The following SCAPER variants were observed in gnomAD, a reference collection of about 807,000 sequenced individuals.
SCAPER encodes S phase cyclin A-associated protein in the endoplasmic reticulum.
Under a neutral mutation model 182.2 loss-of-function variants are expected in SCAPER, and 98 were observed. The observed-to-expected ratio is 0.54, with a 90% CI of 0.46 to 0.64. The LOEUF is 0.64. SCAPER is among the 30% of genes least tolerant of loss of function. The pLI, the probability that SCAPER is intolerant of heterozygous loss-of-function variation, is 0.00. For missense variants in SCAPER, 1,432 were observed against 1,690.0 expected, an observed-to-expected ratio of 0.85 and a Z score of 2.68; for synonymous variants, 605 against 564.6, an observed-to-expected ratio of 1.07 and a Z score of -1.01.
At chr15:76,778,638 A>AGTGTGTGT (rs1325120661) in intron 8 of SCAPER, among the ~76,000 whole-genome samples, 1 of 145,458 alleles carries the variant, frequency 6.9e-6, no homozygotes, top group African/African-American at 2.7e-5. Flanking sequence ...CATAAGTGTG[A>AGTGTGTGT]GTGTATGTGT....
chr15:76,568,119 C>T (rs892793683), intron 23 of SCAPER, among the ~76,000 whole-genome samples: 9 of 151,088 alleles, frequency 6.0e-5, no homozygotes, highest in African/African-American at 2.2e-4. Context: ...AGCACACTTT[C>T]CCACAACGTT....
At chr15:76,591,872 C>T (rs1408283127) in intron 22 of SCAPER, among the ~76,000 whole-genome samples, 3 of 152,110 alleles carry the variant, frequency 2.0e-5, no homozygotes, top group Admixed American at 6.6e-5. Context: ...CCAGCCTGGG[C>T]AACATGGCAA....
intron 20 of SCAPER, among the ~76,000 whole-genome samples, chr15:76,697,535 C>A (rs776995041): frequency 6.6e-6 from 1 of 152,002 alleles, no homozygotes; most frequent in Admixed American, 6.5e-5. Context: ...TAAAAACATG[C>A]GAAATTTATA....
At position 76,603,062 on chromosome 15, in the gene SCAPER, T is replaced by C. The variant is rs1434286904; in HGVS notation, c.2711+18702A>G. 4.3e-5 allele frequency among the ~76,000 whole-genome samples: 5 copies of C among 116,946 alleles called. 2 individuals are homozygous for C. Among genetic ancestry groups the C allele is most frequent in the Non-Finnish European group, 1.0e-4 (5 of 48,392 alleles). The allele number at this position is 116,946 out of a possible 152,430, so 76.7% of individuals were successfully genotyped here. On this transcript the variant is annotated intron_variant, in intron 22 of 31. Coordinates refer to ENST00000563290, the MANE Select transcript of SCAPER (RefSeq NM_020843.4). ...ATTTTATTATTATTATACTTTAAGT[T>C]TTAGGGTACATGTGCACAACGTGCA...
At chr15:76,562,583 A>G (rs1278801903) in intron 23 of SCAPER, among the ~76,000 whole-genome samples, 2 of 152,204 alleles carry the variant, frequency 1.3e-5, no homozygotes, top group Admixed American at 1.3e-4. Context: ...AGCACTGTCT[A>G]CCTACAAAAG....
At chr15:76,436,820 A>G (rs2047229869) in intron 25 of SCAPER, among the ~76,000 whole-genome samples, 2 of 152,192 alleles carry the variant, frequency 1.3e-5, no homozygotes, top group Admixed American at 1.3e-4. Flanking sequence ...AGGAGTTTCA[A>G]TTTGGGTGAT....
At chr15:76,657,600 A>G (rs1317301053) in intron 21 of SCAPER, among the ~76,000 whole-genome samples, 1 of 150,758 alleles carries the variant, frequency 6.6e-6, no homozygotes, top group African/African-American at 2.4e-5. Flanking sequence ...AAAAAAAAAA[A>G]AAAGAAAGAA....
chr15:76,625,834 C>G (rs1039733738), intron 21 of SCAPER, among the ~76,000 whole-genome samples: 1 of 152,246 alleles, frequency 6.6e-6, no homozygotes, highest in East Asian at 1.9e-4. Flanking sequence ...CCTCTCCAGG[C>G]TCCCAGCTGA....
chr15:76,392,763 T>C (rs1427454800), intron 27 of SCAPER, among the ~76,000 whole-genome samples: 1 of 152,184 alleles, frequency 6.6e-6, no homozygotes, highest in Non-Finnish European at 1.5e-5. Context: ...TGAGCCCACA[T>C]CTTTCTGACT....
chr15:76,359,161 T>TC (rs1446383001), intron 29 of SCAPER, among the ~76,000 whole-genome samples: 1 of 152,306 alleles, frequency 6.6e-6, no homozygotes, highest in Middle Eastern at 3.4e-3. Context: ...TGAAGCCCCC[T>TC]CCCAGTGTGA....
chr15:76,364,282 C>A (rs2041659950), intron 29 of SCAPER, among the ~76,000 whole-genome samples: 1 of 152,118 alleles, frequency 6.6e-6, no homozygotes. Context: ...GCCCTTTAAG[C>A]ACTAGCCTTC....
intron 22 of SCAPER, among the ~76,000 whole-genome samples, chr15:76,620,928 GACAGGT>G (rs1453977164): frequency 3.9e-5 from 6 of 152,050 alleles, no homozygotes; most frequent in Admixed American, 6.6e-5. Context: ...GTGATGGGTT[GACAGGT>G]ACAGCAAACC....
intron 22 of SCAPER, among the ~76,000 whole-genome samples, chr15:76,616,680 A>G (rs1377564492): frequency 6.6e-6 from 1 of 152,176 alleles, no homozygotes; most frequent in Non-Finnish European, 1.5e-5. Flanking sequence ...GTAGCCATCT[A>G]TGTCTCCTAA....
At chr15:76,361,319 G>T (rs1167638460) in intron 29 of SCAPER, among the ~76,000 whole-genome samples, 3 of 152,154 alleles carry the variant, frequency 2.0e-5, no homozygotes, top group African/African-American at 7.2e-5. Context: ...GCAGAGAGAT[G>T]AGTCCATTCA....
At chr15:76,523,201 A>G (rs1259893676) in intron 23 of SCAPER, among the ~76,000 whole-genome samples, 1 of 152,086 alleles carries the variant, frequency 6.6e-6, no homozygotes, top group Non-Finnish European at 1.5e-5. Flanking sequence ...TTTACCTTAT[A>G]AAGGGGTTCA....
intron 20 of SCAPER, among the ~76,000 whole-genome samples, chr15:76,691,646 C>T (rs753008122): frequency 1.3e-5 from 2 of 151,770 alleles, no homozygotes; most frequent in Admixed American, 6.6e-5. Flanking sequence ...CAGTGAAAAC[C>T]CCATTTACAA....
intron 22 of SCAPER, among the ~76,000 whole-genome samples, chr15:76,584,906 T>C (rs2048524380): frequency 6.6e-6 from 1 of 152,136 alleles, no homozygotes; most frequent in Non-Finnish European, 1.5e-5. Flanking sequence ...CAGAATACAA[T>C]TTCATCTAAA....
chr15:76,527,037 A>C (rs1274430761), intron 23 of SCAPER, among the ~76,000 whole-genome samples: 1 of 151,626 alleles, frequency 6.6e-6, no homozygotes, highest in Non-Finnish European at 1.5e-5. Flanking sequence ...ATGACTGGCT[A>C]ATTTTTTTTT....
At chr15:76,767,535 A>C (rs900794600) in intron 10 of SCAPER, among the ~76,000 whole-genome samples, 14 of 152,148 alleles carry the variant, frequency 9.2e-5, no homozygotes, top group Admixed American at 1.3e-4. Flanking sequence ...ACCTAACTTT[A>C]AAAAATGCAC....
Sources: gnomAD v4.1 joint callset for allele counts (sites outside exome capture counted in the v4.1 genomes callset) on GRCh38, gnomAD v4.1.1 for gene constraint, MANE v1.5 for transcripts, NCBI Gene and HGNC (gene_info 2026-07-23, HGNC 2026-07-21) for gene names.